GNAQ: variants seen among roughly 807,000 people sequenced by gnomAD.
GNAQ encodes guanine nucleotide-binding protein G(q) subunit alpha.
In GNAQ, 8 loss-of-function variants were observed where a neutral mutation model predicts 43.9. That is an observed-to-expected ratio of 0.18 (90% confidence interval 0.11 to 0.33). The LOEUF is 0.33. GNAQ is among the 10% of genes least tolerant of loss of function. The pLI is 1.00. For missense variants in GNAQ, 158 were observed against 450.8 expected (o/e 0.35, Z 5.88); for synonymous variants, 155 against 170.7 (o/e 0.91, Z 0.71).
chr9:77,989,036 TTTTG>T (rs1394433846), intron 1 of GNAQ, among the ~76,000 whole-genome samples: 9 of 152,198 alleles, frequency 5.9e-5, no homozygotes, highest in Admixed American at 2.6e-4. Context: ...TGGATAACTA[TTTTG>T]TTTATTTTTT....
Position 77,824,602 on chromosome 9 carries a change from T to C in GNAQ, c.322-8832A>G, listed in dbSNP as rs1044492892. On this transcript the variant is annotated intron_variant, in intron 2 of 6. Coordinates refer to ENST00000286548, the MANE Select transcript of GNAQ (RefSeq NM_002072.5). ...CATACAGTATTTTACCATGACACTA[T>C]GCTCCATGAAAAATTATACTCGTAT... Among the ~76,000 whole-genome samples the C allele has an allele frequency of 3.3e-5, 5 of 152,208 alleles. No homozygotes were observed. In the East Asian group the frequency reaches 7.7e-4, roughly 23 times the overall value.
At position 77,936,788 on chromosome 9, in the gene GNAQ, T is replaced by C. The variant is rs555058962; in HGVS notation, c.137-14443A>G. Among the ~76,000 whole-genome samples, 5 of 152,276 alleles carry C rather than the reference T, an allele frequency of 3.3e-5. No individual in the cohort carries two copies. The South Asian group carries it at 1.0e-3, about 32-fold the overall frequency. ...TAGCCTAACGCTGACCCTAGAATGA[T>C]TCCTTTCTTGTCCTGTTGTGTACTT... On this transcript the variant is annotated intron_variant, in intron 1 of 6. Transcript: ENST00000286548.
intron 3 of GNAQ, among the ~76,000 whole-genome samples, chr9:77,807,266 C>T (rs995462127): frequency 6.6e-6 from 1 of 152,096 alleles, no homozygotes; most frequent in Non-Finnish European, 1.5e-5. Flanking sequence ...TTCTTTGGCT[C>T]TCCTGTGACT....
intron 2 of GNAQ, among the ~76,000 whole-genome samples, chr9:77,917,017 C>A (rs1429138146): frequency 6.6e-6 from 1 of 152,090 alleles, no homozygotes; most frequent in Non-Finnish European, 1.5e-5. Context: ...GTAATTCACT[C>A]AATAAACAAA....
intron 1 of GNAQ, among the ~76,000 whole-genome samples, chr9:78,013,767 C>T (rs1823803534): frequency 6.6e-6 from 1 of 152,048 alleles, no homozygotes; most frequent in Non-Finnish European, 1.5e-5. Context: ...CAAATACCTG[C>T]CAGAATGCCA....
intron 5 of GNAQ, among the ~76,000 whole-genome samples, chr9:77,755,583 C>T (rs1326895231): frequency 6.6e-6 from 1 of 152,156 alleles, no homozygotes; most frequent in Non-Finnish European, 1.5e-5. Context: ...TGCATGTATA[C>T]ACCTGTACTA....
In GNAQ at chr9:77,905,101, A is replaced by C. The variant is rs192023075; in HGVS notation, c.321+17060T>G. On this transcript the variant is annotated intron_variant, in intron 2 of 6. Coordinates refer to ENST00000286548, the MANE Select transcript of GNAQ (RefSeq NM_002072.5). ...TTCAAGTACTCATCCTCTATTACCA[A>C]GAAATAAAATTAAGTTAGATGTTAA... 2.4e-3 allele frequency among the ~76,000 whole-genome samples: 369 copies of C among 152,308 alleles called. 3 individuals are homozygous for C. The highest frequency in any genetic ancestry group is 8.3e-3 in the African/African-American group (347 of 41,564).
chr9:77,723,070 A>G (rs1825342006), intron 6 of GNAQ, among the ~76,000 whole-genome samples: 1 of 152,230 alleles, frequency 6.6e-6, no homozygotes, highest in South Asian at 2.1e-4. Flanking sequence ...ATAACAAAAA[A>G]CCCAATTAAA....
chr9:77,740,229 A>G (rs1457331775), intron 5 of GNAQ, among the ~76,000 whole-genome samples: 1 of 152,192 alleles, frequency 6.6e-6, no homozygotes, highest in Non-Finnish European at 1.5e-5. Flanking sequence ...GTCCAAAGAG[A>G]TAAGTTCAAA....
intron 3 of GNAQ, among the ~76,000 whole-genome samples, chr9:77,811,176 C>G (rs1826915864): frequency 6.6e-6 from 1 of 151,854 alleles, no homozygotes; most frequent in South Asian, 2.1e-4. Flanking sequence ...CAGGCAGCAC[C>G]AAAAGAAGTT....
intron 2 of GNAQ, among the ~76,000 whole-genome samples, chr9:77,818,554 A>C (rs553611423): frequency 6.6e-6 from 1 of 152,266 alleles, no homozygotes; most frequent in East Asian, 1.9e-4. Flanking sequence ...GTCGAATGTG[A>C]AATAGTAGTA....
At chr9:77,965,325 A>T (rs1823153365) in intron 1 of GNAQ, among the ~76,000 whole-genome samples, 1 of 152,136 alleles carries the variant, frequency 6.6e-6, no homozygotes, top group Non-Finnish European at 1.5e-5. Flanking sequence ...ATTAACTACG[A>T]CCACCAGCCC....
intron 1 of GNAQ, among the ~76,000 whole-genome samples, chr9:78,014,406 C>T (rs1823811855): frequency 6.6e-6 from 1 of 152,128 alleles, no homozygotes; most frequent in Non-Finnish European, 1.5e-5. Context: ...GGGCAGATCA[C>T]GAGACCAGCC....
intron 5 of GNAQ, among the ~76,000 whole-genome samples, chr9:77,747,513 C>T (rs373434042): frequency 6.6e-6 from 1 of 152,158 alleles, no homozygotes; most frequent in African/African-American, 2.4e-5. Flanking sequence ...AAGACATTAT[C>T]TAGCTTTAGT....
At chr9:77,933,348 A>C (rs1829179921) in intron 1 of GNAQ, among the ~76,000 whole-genome samples, 1 of 151,872 alleles carries the variant, frequency 6.6e-6, no homozygotes, top group African/African-American at 2.4e-5. Context: ...CAGACACACA[A>C]ACACACACAC....
At chr9:77,839,358 T>C (rs1311946661) in intron 2 of GNAQ, among the ~76,000 whole-genome samples, 1 of 152,230 alleles carries the variant, frequency 6.6e-6, no homozygotes, top group African/African-American at 2.4e-5. Context: ...AGGGTTGATA[T>C]GACAATTTCC....
chr9:77,931,396 T>C (rs1288365558), intron 1 of GNAQ, among the ~76,000 whole-genome samples: 1 of 151,840 alleles, frequency 6.6e-6, no homozygotes, highest in Non-Finnish European at 1.5e-5. Context: ...ATCGAGACCA[T>C]CCTGGTTAAC....
At chr9:77,830,388 A>G (rs1393490332) in intron 2 of GNAQ, among the ~76,000 whole-genome samples, 1 of 152,178 alleles carries the variant, frequency 6.6e-6, no homozygotes, top group African/African-American at 2.4e-5. Context: ...GAGGAAGACA[A>G]AGATAGTAAG....
chr9:77,889,410 C>CAAAAAAAAAAAAAAAAAAAAAAAAAAAA lies in GNAQ; in HGVS notation c.321+32723_321+32750dup, dbSNP rs58496646. ...TGGGCGACAAAGCCAGACCCTGTCT[C>CAAAAAAAAAAAAAAAAAAAAAAAAAAAA]AAAAAAAAAAAAAAAAAAAAAAAAA... On this transcript the variant is annotated intron_variant, in intron 2 of 6. Coordinates refer to ENST00000286548, the MANE Select transcript of GNAQ (RefSeq NM_002072.5). 8.3e-5 allele frequency among the ~76,000 whole-genome samples: 4 copies of CAAAAAAAAAAAAAAAAAAAAAAAAAAAA among 48,050 alleles called. 1 individual carries two copies. The highest frequency in any genetic ancestry group is 6.9e-5 in the Non-Finnish European group (2 of 28,816). The allele number at this position is 48,050 out of a possible 152,430, so 31.5% of individuals were successfully genotyped here.
Sources: allele counts gnomAD v4.1 joint callset (sites outside exome capture counted in the v4.1 genomes callset), GRCh38; gene constraint gnomAD v4.1.1; transcripts MANE v1.5; gene names NCBI Gene and HGNC (gene_info 2026-07-23, HGNC 2026-07-21).